CHM: variants seen among roughly 807,000 people sequenced by gnomAD.
CHM encodes the protein rab proteins geranylgeranyltransferase component A 1.
A neutral mutation model predicts 49.0 loss-of-function variants in CHM; 10 were observed. The observed-to-expected ratio is 0.20, with a 90% CI of 0.13 to 0.35. The LOEUF (loss-of-function observed/expected upper bound fraction) is 0.35, where lower values mean the gene tolerates loss of function less well. Ranked by LOEUF, CHM falls within the 10% of genes least tolerant of loss-of-function variation. The probability of loss-of-function intolerance (pLI) is 1.00; values close to 1 mark genes in which losing one functional copy is unlikely to be tolerated. For synonymous variants in CHM, 184 were observed against 167.5 expected (o/e 1.10, Z -0.76); for missense variants, 455 against 478.4 (o/e 0.95, Z 0.46).
intron 2 of CHM, among the ~76,000 whole-genome samples, chrX:86,021,051 TAC>T (rs1224918687): frequency 6.2e-5 from 6 of 97,053 alleles, no homozygotes; most frequent in Admixed American, 2.3e-4. Flanking sequence ...TACACATATA[TAC>T]ACACATATAT....
chrX:85,896,588 CTG>C (rs1925844857), intron 11 of CHM, among the ~76,000 whole-genome samples: 1 of 109,213 alleles, frequency 9.2e-6, no homozygotes, highest in African/African-American at 3.3e-5. Context: ...ACAGAAGTGT[CTG>C]TCACCAAGAT....
At chrX:85,982,859 C>T (rs1233368948) in intron 2 of CHM, among the ~76,000 whole-genome samples, 1 of 111,612 alleles carries the variant, frequency 9.0e-6, no homozygotes, top group Non-Finnish European at 1.9e-5. Flanking sequence ...CTCTTCCAGC[C>T]AGGCACAGTG....
chrX:85,945,185 A>G (rs1929333735), intron 8 of CHM, among the ~76,000 whole-genome samples: 1 of 110,783 alleles, frequency 9.0e-6, no homozygotes, highest in South Asian at 3.9e-4. Flanking sequence ...ACTACCTATC[A>G]GGTACTATGC....
intron 2 of CHM, among the ~76,000 whole-genome samples, chrX:86,008,415 A>T (rs538591463): frequency 4.0e-4 from 45 of 111,490 alleles, no homozygotes; most frequent in African/African-American, 1.2e-3. Flanking sequence ...AATAAAAAAA[A>T]CTGCCATGAC....
chrX:85,920,781 T>C (rs1412756079), intron 8 of CHM, among the ~76,000 whole-genome samples: 1 of 112,029 alleles, frequency 8.9e-6, no homozygotes, highest in Non-Finnish European at 1.9e-5. Flanking sequence ...GTTTCTCTGT[T>C]AACCATCATA....
At chrX:85,998,298 C>T (rs10482023) in intron 2 of CHM, among the ~76,000 whole-genome samples, 19,607 of 110,978 alleles carry the variant, frequency 0.18, 1,581 homozygotes, top group Non-Finnish European at 0.25. Flanking sequence ...CACTTCATTT[C>T]ATCCTTTCAC....
intron 8 of CHM, among the ~76,000 whole-genome samples, chrX:85,946,951 C>CT (rs756613230): frequency 3.7e-4 from 42 of 112,737 alleles, no homozygotes; most frequent in African/African-American, 1.2e-3. Context: ...TGAATGGGGC[C>CT]TGTAGCCCCC....
At chrX:85,964,606 C>G (rs1190991848) in intron 4 of CHM, among the ~76,000 whole-genome samples, 1 of 111,557 alleles carries the variant, frequency 9.0e-6, no homozygotes, top group African/African-American at 3.3e-5. Context: ...CTGAGGAATT[C>G]CTGACTTGGT....
At chrX:85,970,484 T>G (rs960189419) in intron 4 of CHM, 2 of 745,898 alleles carry the variant, frequency 2.7e-6, no homozygotes, top group Admixed American at 8.8e-5. Context: ...ACCTGATGAC[T>G]GAAATACAAC....
chrX:85,934,904 A>G (rs183154240), intron 8 of CHM, among the ~76,000 whole-genome samples: 119 of 111,952 alleles, frequency 1.1e-3, no homozygotes, highest in Admixed American at 1.6e-3. Flanking sequence ...TAGGAGGTAA[A>G]AACATTAAAA....
chrX:85,964,191 A>C, intron 4 of CHM, 139 bp from the exon 5 acceptor site: 5 of 553,470 alleles, frequency 9.0e-6, no homozygotes, highest in Non-Finnish European at 1.1e-5. Flanking sequence ...AATATGAAAC[A>C]AAATTAAGAT....
At chrX:85,898,229 C>A (rs747041424) in intron 11 of CHM, among the ~76,000 whole-genome samples, 19 of 111,258 alleles carry the variant, frequency 1.7e-4, no homozygotes, top group African/African-American at 6.2e-4. Flanking sequence ...TTGCACACCC[C>A]CATTCTCAAA....
intron 8 of CHM, among the ~76,000 whole-genome samples, chrX:85,937,853 A>G (rs1928876130): frequency 9.1e-6 from 1 of 110,038 alleles, no homozygotes; most frequent in Non-Finnish European, 1.9e-5. Flanking sequence ...AAAAAAAAAA[A>G]AAAAGGAAAT....
At chrX:85,979,351 CTAGTCA>C (rs1931465431) in intron 3 of CHM, among the ~76,000 whole-genome samples, 1 of 110,702 alleles carries the variant, frequency 9.0e-6, no homozygotes, top group Admixed American at 9.6e-5. Context: ...AGGTTGGTCG[CTAGTCA>C]TATCAAATTT....
chrX:86,011,050 C>G (rs900283478), intron 2 of CHM, among the ~76,000 whole-genome samples: 1 of 111,577 alleles, frequency 9.0e-6, no homozygotes, highest in Non-Finnish European at 1.9e-5. Context: ...AGTGGCTTGG[C>G]ACATATACAT....
chrX:85,864,418 G>T lies in CHM; in HGVS notation c.*212C>A, dbSNP rs73521958. The T allele has an allele frequency of 7.3e-3, 3,054 of 416,444 alleles. 68 individuals carry two copies. The highest frequency in any genetic ancestry group is 0.067 in the African/African-American group (2,698 of 40,070). 34.3% of individuals were successfully genotyped at this position (416,444 alleles called of 1,213,427 possible). ...TTTCATCTGCTAGTCACACAAGTTT[G>T]GTATTTAAAATGAGCAAGTCAATGT... On this transcript the variant is annotated 3_prime_UTR_variant, in exon 15 of 15. Coordinates refer to ENST00000357749, the MANE Select transcript of CHM (RefSeq NM_000390.4).
chrX:85,956,100 T>C (rs1603262326), intron 8 of CHM, 53 bp downstream of exon 8: 2 of 1,034,391 alleles, frequency 1.9e-6, no homozygotes, highest in Middle Eastern at 5.0e-4. Context: ...AATTTTCATC[T>C]GTTATTCAAG....
At chrX:86,047,069 A>C (rs755082013) in intron 1 of CHM, among the ~76,000 whole-genome samples, 14 of 111,423 alleles carry the variant, frequency 1.3e-4, no homozygotes, top group African/African-American at 4.6e-4. Flanking sequence ...ATCTATGAAA[A>C]AGTCCTATGA....
At chrX:85,931,684 A>G (rs1928446926) in intron 8 of CHM, among the ~76,000 whole-genome samples, 1 of 111,202 alleles carries the variant, frequency 9.0e-6, no homozygotes, top group Non-Finnish European at 1.9e-5. Flanking sequence ...CCCATAGGAG[A>G]AAAAAATGGT....
Sources: allele counts gnomAD v4.1 joint callset (sites outside exome capture counted in the v4.1 genomes callset), GRCh38; gene constraint gnomAD v4.1.1; transcripts MANE v1.5; gene names NCBI Gene and HGNC (gene_info 2026-07-23, HGNC 2026-07-21).